Variants in MCHR2 observed in about 807,000 individuals in gnomAD.
MCHR2 encodes melanin concentrating hormone receptor 2, also known as melanin-concentrating hormone receptor 2.
A neutral mutation model predicts 24.8 loss-of-function variants in MCHR2; 15 were observed. The observed-to-expected ratio is 0.60, with a 90% CI of 0.40 to 0.93. MCHR2 has a LOEUF of 0.93. MCHR2 is among the 40% of genes least tolerant of loss of function. The pLI is 0.00. For synonymous variants in MCHR2, 151 were observed against 147.6 expected, an observed-to-expected ratio of 1.02 and a Z score of -0.17; for missense variants, 386 against 408.7, an observed-to-expected ratio of 0.94 and a Z score of 0.48.
intron 1 of MCHR2, among the ~76,000 whole-genome samples, chr6:99,985,976 GA>G (rs1391962368): frequency 2.0e-5 from 3 of 151,610 alleles, no homozygotes; most frequent in East Asian, 1.9e-4. Context: ...AAATCAAGAG[GA>G]AAAAAACTCA....
chr6:99,941,983 G>A (rs1562122259), intron 4 of MCHR2, among the ~76,000 whole-genome samples: 2 of 152,094 alleles, frequency 1.3e-5, no homozygotes, highest in Non-Finnish European at 2.9e-5. Context: ...AGACTGACTT[G>A]AGATAGCATA....
chr6:99,964,165 G>A (rs1412551850), intron 1 of MCHR2, among the ~76,000 whole-genome samples: 3 of 152,060 alleles, frequency 2.0e-5, no homozygotes, highest in Admixed American at 6.6e-5. Context: ...CACCACTGGT[G>A]GCAGCATAAA....
At chr6:99,975,015 C>CAGG (rs1775519069) in intron 1 of MCHR2, among the ~76,000 whole-genome samples, 1 of 152,170 alleles carries the variant, frequency 6.6e-6, no homozygotes, top group Admixed American at 6.5e-5. Flanking sequence ...GGCTGCTCGG[C>CAGG]GGTCAGGGAC....
intron 1 of MCHR2, among the ~76,000 whole-genome samples, chr6:99,967,401 A>G (rs1775314524): frequency 6.6e-6 from 1 of 152,222 alleles, no homozygotes; most frequent in Non-Finnish European, 1.5e-5. Flanking sequence ...ATGTATGGCA[A>G]AGAGGAACAT....
At chr6:99,963,859 T>C (rs1775244239) in intron 1 of MCHR2, among the ~76,000 whole-genome samples, 1 of 151,762 alleles carries the variant, frequency 6.6e-6, no homozygotes, top group South Asian at 2.1e-4. Flanking sequence ...AGTCTCAGAG[T>C]GAAGATATTT....
chr6:99,952,245 A>T (rs1445850068), intron 2 of MCHR2, among the ~76,000 whole-genome samples: 1 of 152,142 alleles, frequency 6.6e-6, no homozygotes, highest in Non-Finnish European at 1.5e-5. Flanking sequence ...TGTACAACAG[A>T]CTAGTGATGA....
intron 2 of MCHR2, among the ~76,000 whole-genome samples, chr6:99,950,939 T>TCA (rs1407871712): frequency 2.6e-5 from 4 of 152,162 alleles, no homozygotes; most frequent in African/African-American, 9.7e-5. Flanking sequence ...CTTTGCCAAT[T>TCA]GGCTTCTGAT....
At chr6:99,929,278 T>A (rs1244262965) in intron 5 of MCHR2, among the ~76,000 whole-genome samples, 2 of 152,144 alleles carry the variant, frequency 1.3e-5, no homozygotes, top group African/African-American at 4.8e-5. Flanking sequence ...AATTTTGGAA[T>A]AGGTGTGGTG....
chr6:99,928,586 A>G (rs1774427771), intron 5 of MCHR2, among the ~76,000 whole-genome samples: 1 of 152,122 alleles, frequency 6.6e-6, no homozygotes, highest in African/African-American at 2.4e-5. Flanking sequence ...GTGTTGAGGA[A>G]TTTATCCATT....
chr6:99,988,199 A>T (rs1459132328), intron 1 of MCHR2, among the ~76,000 whole-genome samples: 1 of 152,222 alleles, frequency 6.6e-6, no homozygotes, highest in African/African-American at 2.4e-5. Context: ...GTAGACTTTC[A>T]CAGGGGAAGA....
intron 1 of MCHR2, among the ~76,000 whole-genome samples, chr6:99,992,278 AG>A (rs1417536147): frequency 6.6e-6 from 1 of 152,212 alleles, no homozygotes; most frequent in Admixed American, 6.5e-5. Flanking sequence ...GGTCCTGTGA[AG>A]GGGGAGGCTC....
intron 1 of MCHR2, among the ~76,000 whole-genome samples, chr6:99,980,471 T>C (rs537030030): frequency 7.9e-5 from 12 of 152,276 alleles, no homozygotes; most frequent in African/African-American, 2.4e-4. Context: ...GGTTCATCCA[T>C]TGGCCTTCTG....
chr6:99,929,267 C>T (rs980771497), intron 5 of MCHR2, among the ~76,000 whole-genome samples: 1 of 151,946 alleles, frequency 6.6e-6, no homozygotes, highest in East Asian at 1.9e-4. Context: ...AGTATGTGGT[C>T]AATTTTGGAA....
At chr6:99,956,894 TG>T (rs1189972175) in intron 1 of MCHR2, among the ~76,000 whole-genome samples, 2 of 152,084 alleles carry the variant, frequency 1.3e-5, no homozygotes, top group African/African-American at 4.8e-5. Flanking sequence ...AATGATAAAT[TG>T]GATTACTCAG....
intron 5 of MCHR2, among the ~76,000 whole-genome samples, 186 bp downstream of exon 5, chr6:99,934,211 TG>T (rs1774603958): frequency 6.6e-6 from 1 of 152,110 alleles, no homozygotes; most frequent in Admixed American, 6.6e-5. Flanking sequence ...CACTCGTCAC[TG>T]AGAGATTCTT....
intron 3 of MCHR2, among the ~76,000 whole-genome samples, 167 bp downstream of exon 3, chr6:99,947,595 C>G (rs1376750729): frequency 6.6e-6 from 1 of 151,918 alleles, no homozygotes; most frequent in Non-Finnish European, 1.5e-5. Flanking sequence ...AAAAATATTC[C>G]TCTGTGAAAG....
chr6:99,966,839 A>T (rs1775304313), intron 1 of MCHR2, among the ~76,000 whole-genome samples: 2 of 152,058 alleles, frequency 1.3e-5, no homozygotes, highest in African/African-American at 2.4e-5. Context: ...GTATGATTTC[A>T]TTATATCTAG....
chr6:99,950,502 T>C (rs1451373514), intron 2 of MCHR2, among the ~76,000 whole-genome samples: 1 of 152,124 alleles, frequency 6.6e-6, no homozygotes, highest in East Asian at 1.9e-4. Flanking sequence ...ACTCATTAAT[T>C]TGAGGAATGA....
chr6:99,991,433 A>C (rs1482186573), intron 1 of MCHR2, among the ~76,000 whole-genome samples: 2 of 152,196 alleles, frequency 1.3e-5, no homozygotes, highest in Non-Finnish European at 2.9e-5. Flanking sequence ...GTAGTCACCA[A>C]CCTGTCTGAG....
Sources: gnomAD v4.1 joint callset for allele counts (sites outside exome capture counted in the v4.1 genomes callset) on GRCh38, gnomAD v4.1.1 for gene constraint, MANE v1.5 for transcripts, NCBI Gene and HGNC (gene_info 2026-07-23, HGNC 2026-07-21) for gene names.